Variants in ADAM22 observed in about 807,000 individuals in gnomAD.
ADAM22 encodes disintegrin and metalloproteinase domain-containing protein 22.
A neutral mutation model predicts 144.6 loss-of-function variants in ADAM22; 65 were observed. The observed-to-expected ratio is 0.45, with a 90% CI of 0.37 to 0.55. ADAM22 has a LOEUF of 0.55. ADAM22 is among the 20% of genes least tolerant of loss of function. ADAM22 has a pLI of 0.00. For missense variants in ADAM22, 974 were observed against 1,184.9 expected, an observed-to-expected ratio of 0.82 and a Z score of 2.61; for synonymous variants, 391 against 412.6, an observed-to-expected ratio of 0.95 and a Z score of 0.63.
chr7:88,001,523 T>A (rs1261695878), intron 3 of ADAM22, among the ~76,000 whole-genome samples: 1 of 152,130 alleles, frequency 6.6e-6, no homozygotes, highest in Non-Finnish European at 1.5e-5. Context: ...TATTGAGGAA[T>A]AAGTAATTAT....
At chr7:88,082,742 C>T (rs1817153123) in intron 4 of ADAM22, among the ~76,000 whole-genome samples, 1 of 152,158 alleles carries the variant, frequency 6.6e-6, no homozygotes, top group Non-Finnish European at 1.5e-5. Context: ...AAAAAATGCT[C>T]ACCATCACTG....
intron 17 of ADAM22, among the ~76,000 whole-genome samples, chr7:88,147,246 C>T (rs1222618773): frequency 6.6e-6 from 1 of 152,210 alleles, no homozygotes; most frequent in African/African-American, 2.4e-5. Context: ...CTCCCTAACT[C>T]TCACCTGCCA....
intron 3 of ADAM22, among the ~76,000 whole-genome samples, chr7:88,067,860 C>T (rs1811692923): frequency 6.6e-6 from 1 of 152,038 alleles, no homozygotes; most frequent in South Asian, 2.1e-4. Flanking sequence ...CAGGGGTACA[C>T]AGAAAATTTC....
intron 23 of ADAM22, among the ~76,000 whole-genome samples, chr7:88,165,283 G>A (rs955380656): frequency 6.6e-6 from 1 of 152,108 alleles, no homozygotes; most frequent in Admixed American, 6.6e-5. Context: ...GGAGTTCTTA[G>A]TTCCCCTGAC....
intron 10 of ADAM22, 117 bp downstream of exon 10, chr7:88,130,576 G>A (rs980115533): frequency 3.0e-5 from 28 of 943,902 alleles, no homozygotes; most frequent in Non-Finnish European, 4.2e-5. Flanking sequence ...CAGCCAAGGT[G>A]TCTAGTAAGT....
chr7:87,956,550 A>C (rs1358886078), intron 2 of ADAM22, among the ~76,000 whole-genome samples: 1 of 152,184 alleles, frequency 6.6e-6, no homozygotes, highest in East Asian at 1.9e-4. Flanking sequence ...ACCACTGTCA[A>C]TTTTGAAACC....
chr7:88,190,596 C>T (rs947177002), intron 30 of ADAM22, among the ~76,000 whole-genome samples: 4 of 152,110 alleles, frequency 2.6e-5, no homozygotes, highest in Non-Finnish European at 5.9e-5. Flanking sequence ...CAATGATGCA[C>T]TTCACTTTTT....
intron 1 of ADAM22, 52 bp from the exon 2 acceptor site, chr7:87,934,974 A>G (rs1303257595): frequency 6.2e-7 from 1 of 1,611,844 alleles, no homozygotes; most frequent in Admixed American, 1.7e-5. Context: ...GGTCAGGGTC[A>G]TTATTTTCGC....
chr7:88,058,105 C>G (rs539393772), intron 3 of ADAM22, among the ~76,000 whole-genome samples: 1 of 152,176 alleles, frequency 6.6e-6, no homozygotes, highest in Admixed American at 6.5e-5. Context: ...TGGGAGACAT[C>G]AATAAAATTT....
chr7:88,131,588 G>T, intron 11 of ADAM22, 153 bp downstream of exon 11: 1 of 625,186 alleles, frequency 1.6e-6, no homozygotes, highest in Non-Finnish European at 2.7e-6. Flanking sequence ...AGTATAGATT[G>T]CTTAAAATTG....
intron 3 of ADAM22, among the ~76,000 whole-genome samples, chr7:87,992,252 T>A (rs983057294): frequency 6.6e-6 from 1 of 152,124 alleles, no homozygotes; most frequent in Non-Finnish European, 1.5e-5. Flanking sequence ...AACAAGGATA[T>A]AGCGATATGA....
At chr7:87,965,642 TA>T (rs1372362253) in intron 2 of ADAM22, among the ~76,000 whole-genome samples, 2 of 152,232 alleles carry the variant, frequency 1.3e-5, no homozygotes, top group African/African-American at 4.8e-5. Context: ...AGCCCTTTAG[TA>T]AAAGTGAGCC....
At chr7:88,026,334 G>A (rs557817898) in intron 3 of ADAM22, among the ~76,000 whole-genome samples, 1 of 152,278 alleles carries the variant, frequency 6.6e-6, no homozygotes, top group African/African-American at 2.4e-5. Flanking sequence ...ACAGAGAAGG[G>A]AGAGGTGCCA....
chr7:88,145,547 C>T (rs1350486412), intron 17 of ADAM22, 40 bp downstream of exon 17: 2 of 1,483,910 alleles, frequency 1.3e-6, no homozygotes, highest in Non-Finnish European at 1.9e-6. Context: ...AAAAAAAGGA[C>T]ATACTTGATT....
chr7:88,013,426 A>T (rs1795888366), intron 3 of ADAM22, among the ~76,000 whole-genome samples: 4 of 151,984 alleles, frequency 2.6e-5, no homozygotes, highest in Admixed American at 2.6e-4. Flanking sequence ...GAACTTTCTT[A>T]TTAATTTTCA....
chr7:88,047,477 T>C (rs1007741490), intron 3 of ADAM22, among the ~76,000 whole-genome samples: 1 of 152,182 alleles, frequency 6.6e-6, no homozygotes, highest in Non-Finnish European at 1.5e-5. Context: ...CAATGATACA[T>C]TGGGATTTGA....
intron 11 of ADAM22, chr7:88,132,626 A>C (rs1046262089): frequency 2.7e-6 from 1 of 371,296 alleles, no homozygotes; most frequent in East Asian, 5.2e-5. Context: ...ATATCAACCA[A>C]TTATTTTTTA....
chr7:87,944,433 T>G (rs1235965411), intron 2 of ADAM22, among the ~76,000 whole-genome samples: 1 of 152,200 alleles, frequency 6.6e-6, no homozygotes, highest in Admixed American at 6.5e-5. Context: ...CCTAGTGGAT[T>G]TTTAATGCCT....
At position 87,985,873 on chromosome 7, in the gene ADAM22, A is replaced by G. The variant is rs189115634; in HGVS notation, c.323+7461A>G. ...ATATGGTAGTTTCATGCTTTGAGAAATGCTAAGCTATTTTCCAAAGTAGGC... is the reference window on the plus strand; with the variant it reads ...ATATGGTAGTTTCATGCTTTGAGAAGTGCTAAGCTATTTTCCAAAGTAGGC... On this transcript the variant is annotated intron_variant, in intron 3 of 31. Coordinates refer to ENST00000413139, the MANE Select transcript of ADAM22 (RefSeq NM_001324418.2). Among the ~76,000 whole-genome samples the G allele has an allele frequency of 2.2e-3, 339 of 152,290 alleles. 2 individuals are homozygous for G. Among genetic ancestry groups the G allele is most frequent in the African/African-American group, 7.8e-3 (324 of 41,526 alleles).
Sources: gnomAD v4.1 joint callset for allele counts (sites outside exome capture counted in the v4.1 genomes callset) on GRCh38, gnomAD v4.1.1 for gene constraint, MANE v1.5 for transcripts, NCBI Gene and HGNC (gene_info 2026-07-23, HGNC 2026-07-21) for gene names.